The following ARSB variants were observed in gnomAD, a reference collection of about 807,000 sequenced individuals.
ARSB encodes N-acetylgalactosamine-4-sulfatase.
Under a neutral mutation model 50.9 loss-of-function variants are expected in ARSB, and 41 were observed. That is an observed-to-expected ratio of 0.81 (90% CI 0.63 to 1.04). The LOEUF (loss-of-function observed/expected upper bound fraction) is 1.04, where lower values mean the gene tolerates loss of function less well. Ranked by LOEUF, ARSB falls within the 50% of genes least tolerant of loss-of-function variation. The probability of loss-of-function intolerance (pLI) is 0.00; values close to 1 mark genes in which losing one functional copy is unlikely to be tolerated. For missense variants in ARSB, 672 were observed against 693.3 expected (o/e 0.97, Z 0.35); for synonymous variants, 269 against 284.8 (o/e 0.94, Z 0.56).
chr5:78,927,395 C>T (rs1043015896), intron 4 of ARSB, among the ~76,000 whole-genome samples: 4 of 152,174 alleles, frequency 2.6e-5, no homozygotes, highest in Non-Finnish European at 5.9e-5. Context: ...CAGCACAGAC[C>T]CAGGCCCTTT....
At chr5:78,813,444 T>C (rs916276217) in intron 6 of ARSB, among the ~76,000 whole-genome samples, 1 of 152,214 alleles carries the variant, frequency 6.6e-6, no homozygotes, top group Non-Finnish European at 1.5e-5. Context: ...TGAAGTCATA[T>C]AGCATTTACT....
chr5:78,941,123 T>C (rs898223194), intron 4 of ARSB, among the ~76,000 whole-genome samples: 15 of 149,902 alleles, frequency 1.0e-4, no homozygotes, highest in South Asian at 6.5e-4. Context: ...GTGATTTTTG[T>C]ATATTGATTT....
chr5:78,974,112 T>A (rs954930442), intron 1 of ARSB, among the ~76,000 whole-genome samples: 3 of 152,216 alleles, frequency 2.0e-5, no homozygotes, highest in African/African-American at 7.2e-5. Flanking sequence ...TTAGGGTTTA[T>A]TCCTGGAGAT....
intron 5 of ARSB, among the ~76,000 whole-genome samples, chr5:78,862,414 G>A (rs1035702250): frequency 6.6e-6 from 1 of 152,154 alleles, no homozygotes; most frequent in Non-Finnish European, 1.5e-5. Flanking sequence ...TACCAAAACA[G>A]AGATATAGAC....
At chr5:78,820,917 T>G (rs1464770742) in intron 6 of ARSB, among the ~76,000 whole-genome samples, 2 of 151,860 alleles carry the variant, frequency 1.3e-5, no homozygotes, top group African/African-American at 4.8e-5. Flanking sequence ...AGACAGATCA[T>G]TGACAGAAAA....
chr5:78,821,295 C>T (rs912931755), intron 6 of ARSB, among the ~76,000 whole-genome samples: 2 of 152,076 alleles, frequency 1.3e-5, no homozygotes, highest in Non-Finnish European at 1.5e-5. Flanking sequence ...ACCAGCACGC[C>T]CAGCTAATTT....
intron 4 of ARSB, among the ~76,000 whole-genome samples, chr5:78,924,282 A>G (rs561470387): frequency 1.3e-5 from 2 of 152,378 alleles, no homozygotes; most frequent in South Asian, 4.1e-4. Flanking sequence ...AGATGCTCAG[A>G]AAAGTAATTT....
At chr5:78,956,958 A>T (rs576176053) in intron 3 of ARSB, among the ~76,000 whole-genome samples, 2 of 146,816 alleles carry the variant, frequency 1.4e-5, no homozygotes, top group East Asian at 3.9e-4. Flanking sequence ...AAAAGTGAAC[A>T]CCATGCCTTG....
intron 4 of ARSB, among the ~76,000 whole-genome samples, chr5:78,902,427 T>A (rs1015244782): frequency 6.6e-6 from 1 of 152,198 alleles, no homozygotes; most frequent in Admixed American, 6.5e-5. Flanking sequence ...TAAAAATATA[T>A]GTCCACACAA....
At chr5:78,969,310 C>T (rs2112531121) in intron 1 of ARSB, 118 bp from the exon 2 acceptor site, 1 of 1,078,866 alleles carries the variant, frequency 9.3e-7, no homozygotes, top group Non-Finnish European at 1.4e-6. Context: ...TAACTCTATT[C>T]CTGTACTGGC....
chr5:78,808,329 A>C (rs1743661025), intron 6 of ARSB, among the ~76,000 whole-genome samples: 1 of 152,128 alleles, frequency 6.6e-6, no homozygotes, highest in Non-Finnish European at 1.5e-5. Flanking sequence ...GGATCCTTAA[A>C]AAAATAAACC....
In ARSB at chr5:78,804,176, G is replaced by A. The variant is rs144026479; in HGVS notation, c.1214-22202C>T. On this transcript the variant is annotated intron_variant, in intron 6 of 7. Transcript: ENST00000264914. ...AGGGAAGAGAAGTCTCTCAGGATTT[G>A]CAACTGCTCACTGCAGATGTAACCA... Among the ~76,000 whole-genome samples, 339 of 150,358 alleles carry A rather than the reference G, an allele frequency of 2.3e-3. 4 individuals carry two copies. Among genetic ancestry groups the A allele is most frequent in the Admixed American group, 0.02 (308 of 15,074 alleles).
At chr5:78,969,226 G>A in intron 1 of ARSB, 34 bp from the exon 2 acceptor site, 2 of 1,608,516 alleles carry the variant, frequency 1.2e-6, no homozygotes, top group East Asian at 2.2e-5. Context: ...ATAGATTAAT[G>A]ACATTGAAAT....
chr5:78,804,283 A>T (rs1743491723), intron 6 of ARSB, among the ~76,000 whole-genome samples: 1 of 151,922 alleles, frequency 6.6e-6, no homozygotes, highest in South Asian at 2.1e-4. Flanking sequence ...TCAGCTCAGC[A>T]TGATTTTTAA....
intron 3 of ARSB, among the ~76,000 whole-genome samples, chr5:78,958,972 T>C (rs1751861827): frequency 6.6e-6 from 1 of 152,064 alleles, no homozygotes; most frequent in African/African-American, 2.4e-5. Context: ...TGAAATTCTT[T>C]TAAGCTCCCC....
At chr5:78,885,276 C>G (rs1407616086) in intron 5 of ARSB, 6 of 419,040 alleles carry the variant, frequency 1.4e-5, no homozygotes. Context: ...TCCCTGACCC[C>G]CTGCAGGAAG....
intron 6 of ARSB, among the ~76,000 whole-genome samples, chr5:78,787,892 C>G (rs1452972429): frequency 6.6e-6 from 1 of 152,122 alleles, no homozygotes; most frequent in Non-Finnish European, 1.5e-5. Context: ...ATTGCTTAAC[C>G]CTAGAAGTGG....
intron 4 of ARSB, among the ~76,000 whole-genome samples, chr5:78,914,642 T>G (rs1454994258): frequency 6.6e-6 from 1 of 152,204 alleles, no homozygotes; most frequent in Non-Finnish European, 1.5e-5. Context: ...AGCCATCAGA[T>G]GATGCCAAGG....
At chr5:78,959,131 C>G (rs1751872261) in intron 3 of ARSB, among the ~76,000 whole-genome samples, 2 of 152,148 alleles carry the variant, frequency 1.3e-5, no homozygotes, top group South Asian at 4.1e-4. Context: ...ATACTGTTCT[C>G]TTGACAGTGA....
Sources: allele counts gnomAD v4.1 joint callset (sites outside exome capture counted in the v4.1 genomes callset), GRCh38; gene constraint gnomAD v4.1.1; transcripts MANE v1.5; gene names NCBI Gene and HGNC (gene_info 2026-07-23, HGNC 2026-07-21).